The following ASH1L variants were observed in gnomAD, a reference collection of about 807,000 sequenced individuals.
The protein encoded by ASH1L is ASH1 like histone lysine methyltransferase, also known as histone-lysine N-methyltransferase ASH1L.
Under a neutral mutation model 269.0 loss-of-function variants are expected in ASH1L, and 23 were observed. The observed-to-expected ratio is 0.09, with a 90% CI of 0.06 to 0.12. ASH1L has a LOEUF of 0.12. Ranked by LOEUF, ASH1L falls within the 10% of genes least tolerant of loss-of-function variation. The probability of loss-of-function intolerance (pLI) is 1.00; values close to 1 mark genes in which losing one functional copy is unlikely to be tolerated. For synonymous variants in ASH1L, 1,187 were observed against 1,253.5 expected (o/e 0.95, Z 1.12); for missense variants, 2,912 against 3,567.8 (o/e 0.82, Z 4.68).
rs1454244071 is a variant in ASH1L at position 155,479,886 on chromosome 1, T to C, written c.2984A>G (p.Lys995Arg). ...TGAAAGAATCTGATTCAACAGTTTCTTTCTCTTTAAAGTCTTCATTTTATT... is the reference window on the plus strand; with the variant it reads ...TGAAAGAATCTGATTCAACAGTTTCCTTCTCTTTAAAGTCTTCATTTTATT... The part of the protein sequence containing the change: ...KINKMKTLKR[K>R]KLLNQILSSS... Residue 995 changes from lysine to arginine, a missense_variant, in exon 3 of 28, where the codon AAG becomes AGG. Physicochemically the swap from Lys to Arg is conservative, Grantham distance 26 (BLOSUM62 2). Transcript: ENST00000392403. 3 of 1,613,298 alleles carry C rather than the reference T, an allele frequency of 1.9e-6. No homozygotes were observed. The highest frequency in any genetic ancestry group is 2.5e-6 in the Non-Finnish European group (3 of 1,179,680).
intron 1 of ASH1L, among the ~76,000 whole-genome samples, chr1:155,536,588 A>G (rs1216440742): frequency 1.3e-5 from 2 of 152,138 alleles, no homozygotes; most frequent in African/African-American, 2.4e-5. Context: ...ATGTCTGTCA[A>G]AAGTAGAACC....
intron 1 of ASH1L, among the ~76,000 whole-genome samples, chr1:155,532,913 A>ATG (rs1669778822): frequency 6.8e-6 from 1 of 146,124 alleles, no homozygotes; most frequent in African/African-American, 2.6e-5. Context: ...ATATGTATGT[A>ATG]TGTGTATATA....
intron 1 of ASH1L, among the ~76,000 whole-genome samples, chr1:155,541,072 G>T (rs1299384643): frequency 6.6e-6 from 1 of 152,090 alleles, no homozygotes; most frequent in Non-Finnish European, 1.5e-5. Context: ...CATACTATAA[G>T]TCTCTTAATA....
At chr1:155,461,632 C>T (rs1335170141) in intron 3 of ASH1L, among the ~76,000 whole-genome samples, 2 of 152,088 alleles carry the variant, frequency 1.3e-5, no homozygotes, top group African/African-American at 4.8e-5. Flanking sequence ...TCAGAGAAGA[C>T]ATAACTTTAA....
At chr1:155,471,720 G>A (rs1372732047) in intron 3 of ASH1L, among the ~76,000 whole-genome samples, 1 of 152,236 alleles carries the variant, frequency 6.6e-6, no homozygotes, top group African/African-American at 2.4e-5. Context: ...AGTTCTGTGA[G>A]TCCTTTTAAC....
chr1:155,442,247 C>T (rs1291479750), intron 4 of ASH1L, among the ~76,000 whole-genome samples: 2 of 151,922 alleles, frequency 1.3e-5, no homozygotes, highest in African/African-American at 2.4e-5. Flanking sequence ...CTACTTTCAC[C>T]ATCCTCCAAC....
At chr1:155,366,974 C>A (rs1293723177) in intron 12 of ASH1L, among the ~76,000 whole-genome samples, 1 of 148,062 alleles carries the variant, frequency 6.8e-6, no homozygotes, top group African/African-American at 2.5e-5. Flanking sequence ...TTGCAACTAG[C>A]CTGTAATGGG....
At position 155,481,909 on chromosome 1, in the gene ASH1L, A is replaced by G; in HGVS notation, c.961T>C (p.Leu321=). Residue 321 remains leucine, a synonymous_variant, in exon 3 of 28, where the codon TTA becomes CTA. Coordinates refer to ENST00000392403, the MANE Select transcript of ASH1L (RefSeq NM_018489.3). Reference sequence around the variant, plus strand: ...GTGATAGTTCCTGGCTTTTTGCCTAAGTTTTTATTAATGAATACCGCTGTA... The same window carrying G: ...GTGATAGTTCCTGGCTTTTTGCCTAGGTTTTTATTAATGAATACCGCTGTA... ...GTTAVFINKN[L]GKKPGTITTV... The G allele has an allele frequency of 6.2e-7, 1 of 1,614,118 alleles. No individual in the cohort carries two copies. Among genetic ancestry groups the G allele is most frequent in the Non-Finnish European group, 8.5e-7 (1 of 1,180,026 alleles).
chr1:155,414,512 T>G (rs1257845453), intron 6 of ASH1L, among the ~76,000 whole-genome samples: 1 of 152,142 alleles, frequency 6.6e-6, no homozygotes, highest in Non-Finnish European at 1.5e-5. Flanking sequence ...TTTCTCCATG[T>G]TGGTCAGGCT....
At chr1:155,351,235 A>C (rs1189207715) in intron 17 of ASH1L, among the ~76,000 whole-genome samples, 2 of 142,154 alleles carry the variant, frequency 1.4e-5, no homozygotes, top group Non-Finnish European at 1.5e-5. Flanking sequence ...ACAGAATGAG[A>C]CTCTGTCTCA....
chr1:155,466,318 T>C (rs1418480645), intron 3 of ASH1L, among the ~76,000 whole-genome samples: 1 of 152,042 alleles, frequency 6.6e-6, no homozygotes, highest in Non-Finnish European at 1.5e-5. Flanking sequence ...AGCACCACTG[T>C]ACTCCAGCCT....
At chr1:155,520,717 C>T (rs1668828787) in intron 2 of ASH1L, among the ~76,000 whole-genome samples, 1 of 151,940 alleles carries the variant, frequency 6.6e-6, no homozygotes, top group Admixed American at 6.6e-5. Flanking sequence ...ACAAAATTAG[C>T]TCGGTGTGGT....
chr1:155,505,842 A>T (rs1667778722), intron 2 of ASH1L, among the ~76,000 whole-genome samples: 1 of 152,238 alleles, frequency 6.6e-6, no homozygotes, highest in Non-Finnish European at 1.5e-5. Context: ...TATTATTATC[A>T]TTATTTTTTA....
chr1:155,474,436 G>T (rs1029239675), intron 3 of ASH1L, among the ~76,000 whole-genome samples: 4 of 152,094 alleles, frequency 2.6e-5, no homozygotes, highest in Non-Finnish European at 5.9e-5. Context: ...GGTGACTCAG[G>T]CCTATAATCC....
chr1:155,360,345 G>T lies in ASH1L; in HGVS notation c.6751C>A (p.Leu2251Ile). ...GAATGAAAGTTATAATCATAAGTGAGTTCAGTCCCAGCTGGCATGTCTTTA... is the reference window on the plus strand; with the variant it reads ...GAATGAAAGTTATAATCATAAGTGATTTCAGTCCCAGCTGGCATGTCTTTA... ...ALKDMPAGTE[L>I]TYDYNFHSFN... Residue 2251 changes from leucine (L) to isoleucine (I), a missense_variant, in exon 13 of 28, where the codon CTC (leucine) becomes ATC (isoleucine). Physicochemically the swap from Leu to Ile is conservative, Grantham distance 5. Around this residue, in one of 13 missense-constraint regions of ASH1L, gnomAD observed 309 missense variants for 435.1 expected, o/e 0.71. Coordinates refer to ENST00000392403, the MANE Select transcript of ASH1L (RefSeq NM_018489.3). The T allele has an allele frequency of 6.2e-7, 1 of 1,613,538 alleles. No individual in the cohort carries two copies. Among genetic ancestry groups the T allele is most frequent in the Admixed American group, 1.7e-5 (1 of 60,006 alleles).
chr1:155,357,443 A>G, intron 14 of ASH1L, 33 bp from the exon 15 acceptor site: 1 of 1,597,596 alleles, frequency 6.3e-7, no homozygotes, highest in South Asian at 1.1e-5. Context: ...TAGAGATTTA[A>G]AAAAATATCA....
chr1:155,483,899 G>A (rs1666127726), intron 2 of ASH1L, among the ~76,000 whole-genome samples: 1 of 152,010 alleles, frequency 6.6e-6, no homozygotes, highest in South Asian at 2.1e-4. Flanking sequence ...ATGAAAAAAA[G>A]CAAGGTTGAG....
rs1329196782 is a variant in ASH1L at position 155,380,051 on chromosome 1, G to A, written c.6169C>T (p.His2057Tyr). 3 of 1,610,908 alleles carry A rather than the reference G, an allele frequency of 1.9e-6. No homozygotes were observed. The highest frequency in any genetic ancestry group is 1.7e-4 in the Middle Eastern group (1 of 6,044). ...LPYDILWQWK[H>Y]NQLYKKPDVP... is the part of the protein sequence containing the mutation. ...AAACAGGCTCTCTGTACCTGATTGTGTTTCCACTGCCAAAGGATATCATAA... is the reference window on the plus strand; with the variant it reads ...AAACAGGCTCTCTGTACCTGATTGTATTTCCACTGCCAAAGGATATCATAA... Residue 2057 changes from histidine (H) to tyrosine (Y), a missense_variant, in exon 8 of 28, where the codon CAC becomes TAC. His to Tyr is a moderately conservative substitution (Grantham distance 83). Coordinates refer to ENST00000392403, the MANE Select transcript of ASH1L (RefSeq NM_018489.3).
At chr1:155,340,956 A>G (rs1652740101) in intron 25 of ASH1L, among the ~76,000 whole-genome samples, 1 of 151,660 alleles carries the variant, frequency 6.6e-6, no homozygotes, top group South Asian at 2.1e-4. Flanking sequence ...CCACCACCAC[A>G]AATTTTGTTT....
Sources: allele counts gnomAD v4.1 joint callset (sites outside exome capture counted in the v4.1 genomes callset), GRCh38; gene constraint gnomAD v4.1.1; regional missense constraint gnomAD v4.1.1; transcripts MANE v1.5; gene names NCBI Gene and HGNC (gene_info 2026-07-23, HGNC 2026-07-21).